ZNF454: variants seen among roughly 807,000 people sequenced by gnomAD.
ZNF454 encodes the protein zinc finger protein 454.
ZNF454 carries 30 observed loss-of-function variants against 48.2 expected under a neutral mutation model. The ratio of observed to expected loss-of-function variants is 0.62; its 90% CI spans 0.47 to 0.84. The LOEUF is 0.84. ZNF454 is among the 40% of genes least tolerant of loss of function. The pLI is 0.00. For missense variants in ZNF454, 510 were observed against 623.1 expected, an observed-to-expected ratio of 0.82 and a Z score of 1.93; for synonymous variants, 204 against 211.4, an observed-to-expected ratio of 0.97 and a Z score of 0.30.
chr5:178,973,771 A>G, the ZNF454 span, among the ~76,000 whole-genome samples: 2 of 148,616 alleles, frequency 1.3e-5, no homozygotes, highest in East Asian at 4.1e-4. Flanking sequence ...TGAACCCAGG[A>G]GGCGGAGCTT....
the ZNF454 span, among the ~76,000 whole-genome samples, chr5:178,983,970 G>A: frequency 6.6e-6 from 1 of 152,204 alleles, no homozygotes; most frequent in East Asian, 1.9e-4. Flanking sequence ...GTGCCATGCC[G>A]AGCACCTGGA....
chr5:178,946,591 C>CCTCAG lies in ZNF454; in HGVS notation c.160+106_160+107insCTCAG. On this transcript the variant is annotated intron_variant, in intron 3 of 4. Transcript: ENST00000519564. This position sits in a 1 kb window ranked among gnomAD's most constrained non-coding sequence, Gnocchi z 4.5. ...CGGTTGGACCAACTGAGGACGCTGT[C>CCTCAG]TTCAAGGGTGCCATTAATTTTACCT... 2 of 1,441,582 alleles carry CCTCAG rather than the reference C, an allele frequency of 1.4e-6. No homozygotes were observed. Among genetic ancestry groups the CCTCAG allele is most frequent in the Non-Finnish European group, 1.9e-6 (2 of 1,076,836 alleles). The allele number at this position is 1,441,582 out of a possible 1,614,324, so 89.3% of individuals were successfully genotyped here. A position where few individuals can be genotyped will look rare whatever the true frequency, so the allele number is the denominator to read the frequency against.
At chr5:178,959,318 T>C (rs1581875814) in intron 4 of ZNF454, among the ~76,000 whole-genome samples, 1 of 152,196 alleles carries the variant, frequency 6.6e-6, no homozygotes, top group African/African-American at 2.4e-5. Context: ...ATCTGTTCCA[T>C]TGGTCTGTTT....
chr5:178,968,903 G>C (rs773821594), downstream of ZNF454: 16 of 456,548 alleles, frequency 3.5e-5, no homozygotes, highest in East Asian at 1.1e-3. Context: ...ACTAGCGTCA[G>C]CGGCATTAAG....
Sources: gnomAD v4.1 joint callset for allele counts (sites outside exome capture counted in the v4.1 genomes callset) on GRCh38, gnomAD v4.1.1 for gene constraint, Gnocchi (gnomAD v3.1) non-coding constraint, MANE v1.5 for transcripts, NCBI Gene and HGNC (gene_info 2026-07-23, HGNC 2026-07-21) for gene names.